Variants in GABBR2 observed in about 807,000 individuals in gnomAD.
GABBR2 encodes gamma-aminobutyric acid type B receptor subunit 2.
GABBR2 carries 23 observed loss-of-function variants against 105.6 expected under a neutral mutation model. The observed-to-expected ratio is 0.22, with a 90% CI of 0.16 to 0.31. The LOEUF (loss-of-function observed/expected upper bound fraction) is 0.31, where lower values mean the gene tolerates loss of function less well. Among genes scored for constraint, GABBR2 ranks in the 10% least tolerant of loss-of-function variants. GABBR2 has a pLI of 1.00. For synonymous variants in GABBR2, 478 were observed against 499.7 expected, an observed-to-expected ratio of 0.96 and a Z score of 0.58; for missense variants, 734 against 1,245.5, an observed-to-expected ratio of 0.59 and a Z score of 6.18.
chr9:98,618,050 C>CA (rs1276509344), intron 1 of GABBR2, among the ~76,000 whole-genome samples: 1 of 152,100 alleles, frequency 6.6e-6, no homozygotes. Flanking sequence ...AGAAAGTGCT[C>CA]AAAAAAGAGT....
rs75358476 is a variant in GABBR2, at chr9:98,618,350, G to C, written c.322-40278C>G. Among the ~76,000 whole-genome samples, 862 of 152,188 alleles carry C rather than the reference G, an allele frequency of 5.7e-3. 21 individuals are homozygous for C. The highest frequency in any genetic ancestry group is 0.055 in the East Asian group (286 of 5,172). On this transcript the variant is annotated intron_variant, in intron 1 of 18. Coordinates refer to ENST00000259455, the MANE Select transcript of GABBR2 (RefSeq NM_005458.8). ...GATCACAATAGTTGGGGGTTTGTGC[G>C]CGGTATTTAATTAGGCAGATGAAAG...
intron 1 of GABBR2, among the ~76,000 whole-genome samples, chr9:98,661,412 C>T (rs565219653): frequency 1.3e-5 from 2 of 150,688 alleles, no homozygotes; most frequent in South Asian, 4.2e-4. Flanking sequence ...TTTTCCCCCA[C>T]CCCCCCGATA....
Position 98,454,789 on chromosome 9 carries a change from A to G in GABBR2, c.1000-572T>C, listed in dbSNP as rs1172839226. On this transcript the variant is annotated intron_variant, in intron 6 of 18. Transcript: ENST00000259455. This position sits in a 1 kb window ranked among gnomAD's most constrained non-coding sequence, Gnocchi z 4.6. ...TCCCCTTCCCTTCCCACCCCTCTCC[A>G]TCCTGCAGCCCAGCCAGGCTCAGTC... 7.5e-6 allele frequency among the ~76,000 whole-genome samples: 1 copy of G among 133,502 alleles called. No individual in the cohort carries two copies. The highest frequency in any genetic ancestry group is 2.8e-5 in the African/African-American group (1 of 35,696). 87.6% of individuals were successfully genotyped at this position (133,502 alleles called of 152,430 possible). A position where few individuals can be genotyped will look rare whatever the true frequency, so the allele number is the denominator to read the frequency against.
intron 1 of GABBR2, among the ~76,000 whole-genome samples, chr9:98,627,430 C>T (rs1317778351): frequency 6.6e-6 from 1 of 152,196 alleles, no homozygotes; most frequent in Non-Finnish European, 1.5e-5. Flanking sequence ...TTGAGACAAG[C>T]TATTCCCCAG....
At chr9:98,551,800 C>T (rs973826664) in intron 2 of GABBR2, among the ~76,000 whole-genome samples, 2 of 152,220 alleles carry the variant, frequency 1.3e-5, no homozygotes, top group Non-Finnish European at 2.9e-5. Context: ...AGGCTTAACC[C>T]TGTCCCTGTG....
chr9:98,687,111 C>A (rs750137279), intron 1 of GABBR2, among the ~76,000 whole-genome samples: 2 of 151,792 alleles, frequency 1.3e-5, no homozygotes, highest in Admixed American at 6.6e-5. Context: ...GATCTAGACA[C>A]TAGTTAAAGC....
chr9:98,301,364 A>G (rs1424364741), intron 16 of GABBR2, among the ~76,000 whole-genome samples: 2 of 152,218 alleles, frequency 1.3e-5, no homozygotes, highest in Non-Finnish European at 2.9e-5. Context: ...GGAAAACCCC[A>G]CACACATTTG....
intron 2 of GABBR2, among the ~76,000 whole-genome samples, chr9:98,571,526 G>T (rs570113476): frequency 6.6e-6 from 1 of 152,300 alleles, no homozygotes; most frequent in South Asian, 2.1e-4. Context: ...TACTGAAATG[G>T]CTGTGGTTTT....
At chr9:98,467,649 G>C (rs1442363949) in intron 6 of GABBR2, among the ~76,000 whole-genome samples, 1 of 152,244 alleles carries the variant, frequency 6.6e-6, no homozygotes, top group Non-Finnish European at 1.5e-5. Context: ...TTGGCTCTAA[G>C]TGGAAGGATC....
intron 1 of GABBR2, among the ~76,000 whole-genome samples, chr9:98,600,825 G>A (rs1245790974): frequency 6.6e-6 from 1 of 152,204 alleles, no homozygotes; most frequent in East Asian, 1.9e-4. Context: ...CCACATGCGT[G>A]TGTCTGGCCT....
At chr9:98,514,400 AT>A (rs1827715982) in intron 3 of GABBR2, among the ~76,000 whole-genome samples, 1 of 1,440 alleles carries the variant, frequency 6.9e-4, no homozygotes, top group East Asian at 0.036. Flanking sequence ...AACTTAAAGT[AT>A]AATAATAATA....
intron 1 of GABBR2, among the ~76,000 whole-genome samples, chr9:98,611,617 ATT>A (rs756247848): frequency 6.6e-6 from 1 of 152,138 alleles, no homozygotes; most frequent in Non-Finnish European, 1.5e-5. Flanking sequence ...CAAGGAAGAG[ATT>A]TTCTCTCTTG....
chr9:98,465,584 G>T (rs769812983), intron 6 of GABBR2, among the ~76,000 whole-genome samples: 3 of 152,142 alleles, frequency 2.0e-5, no homozygotes, highest in African/African-American at 7.2e-5. Flanking sequence ...CCAAGTCTCC[G>T]CAAACTATAC....
intron 13 of GABBR2, among the ~76,000 whole-genome samples, chr9:98,362,091 C>T (rs1043287335): frequency 6.6e-6 from 1 of 152,208 alleles, no homozygotes; most frequent in African/African-American, 2.4e-5. Context: ...CAGCTGTAGC[C>T]CGCAAAGACA....
At chr9:98,401,083 A>C (rs116459661) in intron 8 of GABBR2, among the ~76,000 whole-genome samples, 2,464 of 152,268 alleles carry the variant, frequency 0.016, 29 homozygotes, top group African/African-American at 0.026. Flanking sequence ...GAGAGAAGGA[A>C]GCCAACAGTT....
intron 8 of GABBR2, among the ~76,000 whole-genome samples, chr9:98,399,351 CAA>C (rs56407615): frequency 2.8e-4 from 28 of 98,308 alleles, no homozygotes; most frequent in Non-Finnish European, 1.7e-4. Flanking sequence ...GACTCCATCT[CAA>C]AAAAAAAAAA....
chr9:98,434,961 T>C (rs1297062851), intron 7 of GABBR2, among the ~76,000 whole-genome samples: 1 of 152,222 alleles, frequency 6.6e-6, no homozygotes, highest in Non-Finnish European at 1.5e-5. Flanking sequence ...GTTTTCTTAA[T>C]GTTGGTGTAA....
intron 13 of GABBR2, among the ~76,000 whole-genome samples, chr9:98,319,933 T>G (rs1225693349): frequency 1.3e-5 from 2 of 152,212 alleles, no homozygotes; most frequent in East Asian, 3.9e-4. Context: ...ACTTCATGTC[T>G]AAAACACCAA....
chr9:98,511,433 C>CA (rs1250855241), intron 3 of GABBR2, among the ~76,000 whole-genome samples: 15 of 135,194 alleles, frequency 1.1e-4, no homozygotes, highest in African/African-American at 3.7e-4. Flanking sequence ...GATAGAGACA[C>CA]AAAAAATCCT....
Sources: allele counts gnomAD v4.1 joint callset (sites outside exome capture counted in the v4.1 genomes callset), GRCh38; gene constraint gnomAD v4.1.1; non-coding constraint Gnocchi (gnomAD v3.1); transcripts MANE v1.5; gene names NCBI Gene and HGNC (gene_info 2026-07-23, HGNC 2026-07-21).